Variants in USP6 observed in about 807,000 individuals in gnomAD.
The protein encoded by USP6 is ubiquitin carboxyl-terminal hydrolase 6.
Under a neutral mutation model 175.7 loss-of-function variants are expected in USP6, and 128 were observed. The observed-to-expected ratio is 0.73, with a 90% confidence interval of 0.63 to 0.84. The LOEUF (loss-of-function observed/expected upper bound fraction) is 0.84. Ranked by LOEUF, USP6 falls within the 40% of genes least tolerant of loss-of-function variation. The probability of loss-of-function intolerance (pLI) is 0.00; values close to 1 mark genes in which losing one functional copy is unlikely to be tolerated. For synonymous variants in USP6, 562 were observed against 630.6 expected (o/e 0.89, Z 1.63); for missense variants, 1,498 against 1,760.3 (o/e 0.85, Z 2.67).
intron 33 of USP6, among the ~76,000 whole-genome samples, chr17:5,166,371 G>A (rs1212495462): frequency 7.2e-5 from 11 of 152,136 alleles, no homozygotes; most frequent in Non-Finnish European, 1.6e-4. Context: ...AACAGCATTT[G>A]ACAGCCTCGT....
chr17:5,134,960 G>A (rs3816111), intron 15 of USP6: 287,497 of 396,410 alleles, frequency 0.73, 109,066 homozygotes, highest in Non-Finnish European at 0.82. Context: ...GAGGAACTGT[G>A]CACCCAAAGA....
Position 5,135,860 on chromosome 17 carries a change from A to G in USP6, c.596A>G (p.Tyr199Cys), listed in dbSNP as rs1436240955. ...CACATCACCGCCTTGTTCCTCCTTT[A>G]TCTGCCTGAGGAGGACGCATTCTGG... ...LSHITALFLL[Y>C]LPEEDAFWAL... Residue 199 changes from tyrosine (Y) to cysteine (C), a missense_variant, in exon 17 of 38, where the codon TAT becomes TGT. Transcript: ENST00000574788. 3.8e-6 allele frequency: 6 copies of G among 1,599,410 alleles called. No individual in the cohort carries two copies. Among genetic ancestry groups the G allele is most frequent in the Non-Finnish European group, 4.2e-6 (5 of 1,179,774 alleles).
rs747132807 is a variant in USP6 at position 5,144,790 on chromosome 17, A to G, written c.1919A>G (p.Asn640Ser). Reference sequence around the variant, plus strand: ...TTGGATGGTCTTCATGAAGATCTCAACCGAGTCCATGAAAAGCCATATGTG... The same window carrying G: ...TTGGATGGTCTTCATGAAGATCTCAGCCGAGTCCATGAAAAGCCATATGTG... ...FLLDGLHEDL[N>S]RVHEKPYVEL... Residue 640 changes from asparagine (N) to serine (S), a missense_variant, in exon 26 of 38, where the codon AAC becomes AGC. Physicochemically the swap from Asn to Ser is conservative, Grantham distance 46. Coordinates refer to ENST00000574788, the MANE Select transcript of USP6 (RefSeq NM_001304284.2). The G allele has an allele frequency of 1.4e-5, 22 of 1,613,692 alleles. No individual in the cohort carries two copies. The highest frequency in any genetic ancestry group is 7.7e-5 in the South Asian group (7 of 91,034).
Position 5,147,744 on chromosome 17 carries a change from G to A in USP6, c.2431+550G>A, listed in dbSNP as rs554049330. ...TTTAGTTTTAATTTAGAGTATCACTGTCTAATAGAATTCTGCAGTGGTGGA... is the reference window on the plus strand; with the variant it reads ...TTTAGTTTTAATTTAGAGTATCACTATCTAATAGAATTCTGCAGTGGTGGA... On this transcript the variant is annotated intron_variant, in intron 29 of 37. Transcript: ENST00000574788. Among the ~76,000 whole-genome samples, 4 of 152,296 alleles carry A rather than the reference G, an allele frequency of 2.6e-5. No homozygotes were observed. The South Asian group carries it at 8.3e-4, about 32-fold the overall frequency.
intron 20 of USP6, 27 bp downstream of exon 20, chr17:5,137,777 C>G (rs774268574): frequency 1.2e-6 from 2 of 1,604,420 alleles, no homozygotes; most frequent in Admixed American, 3.3e-5. Context: ...CCAGTGGGGC[C>G]TGGGGAGCCC....
intron 30 of USP6, among the ~76,000 whole-genome samples, chr17:5,150,563 C>T (rs1449143424): frequency 2.7e-5 from 4 of 150,130 alleles, no homozygotes; most frequent in Non-Finnish European, 5.9e-5. Flanking sequence ...GGTGCAATCT[C>T]GGTTCACTGC....
chr17:5,155,735 A>G (rs1232492842), intron 31 of USP6, 129 bp downstream of exon 31: 78 of 762,684 alleles, frequency 1.0e-4, no homozygotes, highest in Non-Finnish European at 1.4e-4. Context: ...AGTTATTTAA[A>G]TAATTATTTA....
intron 18 of USP6, 41 bp from the exon 19 acceptor site, chr17:5,137,080 G>T (rs746554549): frequency 1.4e-5 from 23 of 1,608,106 alleles, no homozygotes; most frequent in Non-Finnish European, 2.0e-5. Context: ...GGTTTTTAGG[G>T]CAGCCCAGGG....
intron 34 of USP6, among the ~76,000 whole-genome samples, chr17:5,168,378 G>A (rs1312030180): frequency 6.6e-6 from 1 of 152,214 alleles, no homozygotes; most frequent in Non-Finnish European, 1.5e-5. Flanking sequence ...AATTCAGTGC[G>A]ATGTGAGAAC....
At chr17:5,139,784 G>A (rs1233585326) in intron 22 of USP6, 110 bp downstream of exon 22, 7 of 1,595,044 alleles carry the variant, frequency 4.4e-6, no homozygotes, top group African/African-American at 1.3e-5. Context: ...AGCTAGGGAC[G>A]AGCAGCAGTG....
Position 5,136,652 on chromosome 17 carries a change from C to G in USP6, c.677C>G (p.Pro226Arg). 6.2e-7 allele frequency: 1 copy of G among 1,611,874 alleles called. No homozygotes were observed. The highest frequency in any genetic ancestry group is 8.5e-7 in the Non-Finnish European group (1 of 1,179,686). ...ERHSLPGFHS[P>R]NGGTVQGLQD... ...GGGGGCTTCTCAGGATTCCACAGCCCAAATGGTGGGACAGTCCAGGGGCTC... is the reference window on the plus strand; with the variant it reads ...GGGGGCTTCTCAGGATTCCACAGCCGAAATGGTGGGACAGTCCAGGGGCTC... The change falls in exon 18 of 38, where the codon CCA becomes CGA. Residue 226 changes from proline to arginine, a missense_variant. By Grantham distance (103) the Pro-to-Arg change is moderately radical. Coordinates refer to ENST00000574788, the MANE Select transcript of USP6 (RefSeq NM_001304284.2).
chr17:5,147,518 G>C (rs1488617250), intron 29 of USP6, among the ~76,000 whole-genome samples: 2 of 152,174 alleles, frequency 1.3e-5, no homozygotes, highest in African/African-American at 4.8e-5. Context: ...GATATAGCTA[G>C]AAAGAAATCC....
chr17:5,130,725 G>A (rs754119680), intron 11 of USP6, 41 bp downstream of exon 11: 21 of 1,610,052 alleles, frequency 1.3e-5, no homozygotes, highest in Non-Finnish European at 1.4e-5. Context: ...TAAAGCAGCT[G>A]TCTCAGCTCA....
rs2074033313 is a variant in USP6, at chr17:5,162,967, C to T, written c.2999C>T (p.Thr1000Ile). 1 of 1,598,042 alleles carries T rather than the reference C, an allele frequency of 6.3e-7. No homozygotes were observed. Among genetic ancestry groups the T allele is most frequent in the Non-Finnish European group, 8.5e-7 (1 of 1,176,234 alleles). The change falls in exon 33 of 38, where the codon ACA becomes ATA. Residue 1000 changes from threonine (T) to isoleucine (I), a missense_variant. Physicochemically the swap from Thr to Ile is moderately conservative, Grantham distance 89. Transcript: ENST00000574788. The stretch of plus-strand genomic sequence containing the variant: ...TATATTGCTGTGGATTGGCACCCCA[C>T]AGCCCTTCACCTTCGCTATCAAACA... ...NAYIAVDWHPTALHLRYQTSQ... is the reference protein window; with the variant it reads ...NAYIAVDWHPIALHLRYQTSQ...
intron 22 of USP6, 56 bp downstream of exon 22, chr17:5,139,730 T>G: frequency 6.3e-7 from 1 of 1,598,062 alleles, no homozygotes; most frequent in Non-Finnish European, 8.5e-7. Flanking sequence ...TTCCCGGCCC[T>G]GCAGTGCACC....
Position 5,162,958 on chromosome 17 carries a change from G to C in USP6, c.2990G>C (p.Trp997Ser). 6.2e-7 allele frequency: 1 copy of C among 1,605,492 alleles called. No individual in the cohort carries two copies. The highest frequency in any genetic ancestry group is 2.3e-5 in the East Asian group (1 of 44,074). The change falls in exon 33 of 38, where the codon TGG (tryptophan) becomes TCG (serine). Residue 997 changes from tryptophan to serine, a missense_variant. Physicochemically the swap from Trp to Ser is radical, Grantham distance 177. This residue lies in a region of USP6 where 1,217 missense variants were observed against 1,500.8 expected (regional missense o/e 0.81). Transcript: ENST00000574788. ...GGAAATGCCTATATTGCTGTGGATT[G>C]GCACCCCACAGCCCTTCACCTTCGC... ...FIGNAYIAVD[W>S]HPTALHLRYQ... is the part of the protein sequence containing the mutation.
In USP6 at chr17:5,169,104, C is replaced by A; in HGVS notation, c.3517+49C>A. 2.0e-6 allele frequency: 3 copies of A among 1,506,582 alleles called. No individual in the cohort carries two copies. In the South Asian group the frequency reaches 4.2e-5, roughly 21 times the overall value. 93.3% of individuals were successfully genotyped at this position (1,506,582 alleles called of 1,614,324 possible). A position where few individuals can be genotyped will look rare whatever the true frequency, so the allele number is the denominator to read the frequency against. On this transcript the variant is annotated intron_variant, in intron 35 of 37. Transcript: ENST00000574788. ...GTTGCTTTCTTGGGACTCCTGTAGG[C>A]TACATATGTTTCTCTGTCTTCTGTT...
At chr17:5,171,313 C>T (rs2074211811) in intron 36 of USP6, among the ~76,000 whole-genome samples, 1 of 152,060 alleles carries the variant, frequency 6.6e-6, no homozygotes, top group African/African-American at 2.4e-5. Flanking sequence ...GCACCCCAGC[C>T]TGGGTGATAG....
chr17:5,147,510 T>C (rs1163425931), intron 29 of USP6, among the ~76,000 whole-genome samples: 6 of 152,180 alleles, frequency 3.9e-5, no homozygotes, highest in Non-Finnish European at 8.8e-5. Flanking sequence ...AAACAATAGA[T>C]ATAGCTAGAA....
Sources: gnomAD v4.1 joint callset for allele counts (sites outside exome capture counted in the v4.1 genomes callset) on GRCh38, gnomAD v4.1.1 for gene constraint, gnomAD v4.1.1 regional missense constraint, MANE v1.5 for transcripts, NCBI Gene and HGNC (gene_info 2026-07-23, HGNC 2026-07-21) for gene names.